The following GALNT12 variants were observed in gnomAD, a reference collection of about 807,000 sequenced individuals.
GALNT12 encodes the protein UDP-GalNAc:polypeptide N-acetylgalactosaminyltransferase 12.
GALNT12 carries 45 observed loss-of-function variants against 55.5 expected under a neutral mutation model. That is an observed-to-expected ratio of 0.81 (90% CI 0.64 to 1.04). The LOEUF is 1.04. Ranked by LOEUF, GALNT12 falls within the 50% of genes least tolerant of loss-of-function variation. GALNT12 has a pLI of 0.00. For missense variants in GALNT12, 709 were observed against 754.8 expected (o/e 0.94, Z 0.71); for synonymous variants, 304 against 312.2 (o/e 0.97, Z 0.28).
At chr9:98,812,903 C>A (rs1252313079) in intron 1 of GALNT12, among the ~76,000 whole-genome samples, 2 of 152,144 alleles carry the variant, frequency 1.3e-5, no homozygotes, top group African/African-American at 4.8e-5. Flanking sequence ...TAACTATGGA[C>A]CATAGAATGC....
intron 9 of GALNT12, 77 bp downstream of exon 9, chr9:98,846,200 C>A: frequency 6.4e-7 from 1 of 1,553,228 alleles, no homozygotes; most frequent in Non-Finnish European, 8.9e-7. Context: ...GACGTTCTCT[C>A]TGGCATAGTC....
chr9:98,842,111 T>C (rs1053015683), intron 7 of GALNT12, among the ~76,000 whole-genome samples: 1 of 152,190 alleles, frequency 6.6e-6, no homozygotes, highest in African/African-American at 2.4e-5. Flanking sequence ...TTTTGGCTTT[T>C]TCTCTTCTTG....
chr9:98,810,333 A>G (rs1421001601), intron 1 of GALNT12, among the ~76,000 whole-genome samples: 1 of 152,178 alleles, frequency 6.6e-6, no homozygotes, highest in Non-Finnish European at 1.5e-5. Flanking sequence ...CCCAGGTCAC[A>G]TAGCACATCT....
At chr9:98,829,900 A>G (rs1018089864) in intron 3 of GALNT12, among the ~76,000 whole-genome samples, 12 of 152,152 alleles carry the variant, frequency 7.9e-5, no homozygotes, top group Non-Finnish European at 1.2e-4. Context: ...TTGCTTCCCA[A>G]TCTTGGTTAT....
At chr9:98,836,766 A>G (rs1208823268) in intron 5 of GALNT12, among the ~76,000 whole-genome samples, 1 of 151,912 alleles carries the variant, frequency 6.6e-6, no homozygotes, top group Non-Finnish European at 1.5e-5. Flanking sequence ...CCCACAGCTT[A>G]TATGTTTTGG....
intron 9 of GALNT12, chr9:98,847,287 C>T (rs1282554262): frequency 2.0e-5 from 3 of 152,158 alleles, no homozygotes; most frequent in Non-Finnish European, 4.4e-5. Context: ...TGTTTTCCTG[C>T]AGAAAAATGT....
intron 3 of GALNT12, among the ~76,000 whole-genome samples, chr9:98,830,865 G>A (rs140787787): frequency 2.1e-3 from 327 of 152,266 alleles, no homozygotes; most frequent in Middle Eastern, 0.01. Context: ...TAAGGACACC[G>A]AAAGCTCAAG....
At chr9:98,830,061 T>C (rs1835956220) in intron 3 of GALNT12, among the ~76,000 whole-genome samples, 1 of 152,246 alleles carries the variant, frequency 6.6e-6, no homozygotes. Context: ...CTGTTCTCCA[T>C]AGAGGTTGTA....
At position 98,849,652 on chromosome 9, in the gene GALNT12, G is replaced by T. The variant is rs1205316416; in HGVS notation, c.*560G>T. 1.2e-5 allele frequency: 5 copies of T among 409,496 alleles called. No individual in the cohort carries two copies. In the East Asian group the frequency reaches 1.8e-4, roughly 14 times the overall value. The allele number at this position is 409,496 out of a possible 1,614,324, so 25.4% of individuals were successfully genotyped here. ...TGTATTTTAAAAAGAATGCTTTTTG[G>T]TTATGTGTTGCTACCACAGTTAACA... On this transcript the variant is annotated 3_prime_UTR_variant, in exon 10 of 10. Transcript: ENST00000375011.
intron 3 of GALNT12, among the ~76,000 whole-genome samples, chr9:98,830,238 A>G (rs1278565643): frequency 1.3e-5 from 2 of 152,218 alleles, no homozygotes; most frequent in South Asian, 4.1e-4. Context: ...ATTGGGACAC[A>G]TCAGACTGTG....
intron 1 of GALNT12, among the ~76,000 whole-genome samples, chr9:98,817,223 C>T (rs1835633121): frequency 6.6e-6 from 1 of 152,182 alleles, no homozygotes; most frequent in South Asian, 2.1e-4. Flanking sequence ...ACCTTGGCCT[C>T]TCAAAATGCT....
chr9:98,830,462 T>G (rs1343283856), intron 3 of GALNT12, among the ~76,000 whole-genome samples: 1 of 152,206 alleles, frequency 6.6e-6, no homozygotes, highest in Non-Finnish European at 1.5e-5. Flanking sequence ...GTCCTGCACA[T>G]TCTCCAGCCA....
chr9:98,821,131 C>T (rs958635724), intron 1 of GALNT12, among the ~76,000 whole-genome samples: 1 of 152,104 alleles, frequency 6.6e-6, no homozygotes, highest in Non-Finnish European at 1.5e-5. Flanking sequence ...TGCCTCAGCT[C>T]CCTGAGTAGC....
chr9:98,835,804 C>T (rs1054129063), intron 5 of GALNT12, among the ~76,000 whole-genome samples: 2 of 151,916 alleles, frequency 1.3e-5, no homozygotes, highest in Non-Finnish European at 2.9e-5. Flanking sequence ...GGCACGATCT[C>T]AGCTCACTGC....
rs576886335 is a variant in GALNT12 at position 98,830,336 on chromosome 9, A to T, written c.732-1436A>T. On this transcript the variant is annotated intron_variant, in intron 3 of 9. Coordinates refer to ENST00000375011, the MANE Select transcript of GALNT12 (RefSeq NM_024642.5). Reference sequence around the variant, plus strand: ...ATGTGGGAGGGTATTCTTGGTTGTCATGTCAACCAGGTAGGGCTCCTGGCA... The same window carrying T: ...ATGTGGGAGGGTATTCTTGGTTGTCTTGTCAACCAGGTAGGGCTCCTGGCA... 3.3e-5 allele frequency among the ~76,000 whole-genome samples: 5 copies of T among 152,040 alleles called. No homozygotes were observed. The South Asian group carries it at 1.0e-3, about 32-fold the overall frequency.
intron 9 of GALNT12, 107 bp from the exon 10 acceptor site, chr9:98,848,845 A>T: frequency 7.5e-7 from 1 of 1,340,968 alleles, no homozygotes; most frequent in Non-Finnish European, 1.0e-6. Flanking sequence ...ACCCCTCAAT[A>T]AATATTTCTG....
At chr9:98,848,760 G>C in intron 9 of GALNT12, 192 bp from the exon 10 acceptor site, 1 of 661,512 alleles carries the variant, frequency 1.5e-6, no homozygotes, top group Non-Finnish European at 2.6e-6. Context: ...AGAGGCAAGC[G>C]GGACGCAGCC....
In GALNT12 at chr9:98,837,162, C is replaced by T; in HGVS notation, c.1212+14C>T. On this transcript the variant is annotated intron_variant, in intron 6 of 9. Coordinates refer to ENST00000375011, the MANE Select transcript of GALNT12 (RefSeq NM_024642.5). ...CGTGCCCGCTTGGTGAGTTCCTCGG[C>T]CCACCTGCACTCCATCTGGCTTCAT... 1 of 1,613,654 alleles carries T rather than the reference C, an allele frequency of 6.2e-7. No homozygotes were observed. Among genetic ancestry groups the T allele is most frequent in the Non-Finnish European group, 8.5e-7 (1 of 1,179,584 alleles).
At chr9:98,823,233 C>T in intron 1 of GALNT12, 23 bp from the exon 2 acceptor site, 5 of 1,613,326 alleles carry the variant, frequency 3.1e-6, no homozygotes, top group Non-Finnish European at 4.2e-6. Flanking sequence ...TCCTGAGTTC[C>T]TGAAGTTCCG....
Sources: gnomAD v4.1 joint callset for allele counts (sites outside exome capture counted in the v4.1 genomes callset) on GRCh38, gnomAD v4.1.1 for gene constraint, MANE v1.5 for transcripts, NCBI Gene and HGNC (gene_info 2026-07-23, HGNC 2026-07-21) for gene names.